The following RIPOR1 variants were observed in gnomAD, a reference collection of about 807,000 sequenced individuals.
RIPOR1 encodes the protein RHO family interacting cell polarization regulator 1.
In RIPOR1, 58 loss-of-function variants were observed where a neutral mutation model predicts 116.5. That is an observed-to-expected ratio of 0.50 (90% CI 0.40 to 0.62). The LOEUF (loss-of-function observed/expected upper bound fraction) is 0.62, where lower values mean the gene tolerates loss of function less well. Among genes scored for constraint, RIPOR1 ranks in the 20% least tolerant of loss-of-function variants. RIPOR1 has a pLI of 0.00. For missense variants in RIPOR1, 1,372 were observed against 1,586.2 expected, an observed-to-expected ratio of 0.86 and a Z score of 2.29; for synonymous variants, 605 against 650.0, an observed-to-expected ratio of 0.93 and a Z score of 1.05.
rs900619617 is a variant in RIPOR1 at position 67,529,395 on chromosome 16, G to C, written c.-24+481G>C. On this transcript the variant is annotated intron_variant, in intron 1 of 21. Transcript: ENST00000042381. The surrounding 1 kb of genome is among the most constrained non-coding windows in gnomAD (Gnocchi z 4.1). ...GGCCGGCCTAAGCGGCTTTGTGGCCGGCCCCGAGGTGACCGAGCCTGGGCT... is the reference window on the plus strand; with the variant it reads ...GGCCGGCCTAAGCGGCTTTGTGGCCCGCCCCGAGGTGACCGAGCCTGGGCT... 1.1e-5 allele frequency: 2 copies of C among 187,076 alleles called. No individual in the cohort carries two copies. The highest frequency in any genetic ancestry group is 1.2e-4 in the Admixed American group (2 of 16,888). 11.6% of individuals were successfully genotyped at this position (187,076 alleles called of 1,614,324 possible).
chr16:67,546,495 TC>T lies in RIPOR1; in HGVS notation c.*38del, dbSNP rs780732827. ...CACCCATGGGTTCCTGGTGCCCCTT[TC>T]CCCCCACTTTCAGGGCTCACCAGGC... On this transcript the variant is annotated 3_prime_UTR_variant, in exon 22 of 22. Coordinates refer to ENST00000042381, the MANE Select transcript of RIPOR1 (RefSeq NM_024519.4). 32 of 1,578,936 alleles carry T rather than the reference TC, an allele frequency of 2.0e-5. No individual in the cohort carries two copies. Among genetic ancestry groups the T allele is most frequent in the Non-Finnish European group, 2.6e-5 (30 of 1,150,230 alleles).
At chr16:67,535,001 C>T (rs564563773) in intron 1 of RIPOR1, among the ~76,000 whole-genome samples, 18 of 151,894 alleles carry the variant, frequency 1.2e-4, no homozygotes, top group Non-Finnish European at 1.8e-4. Flanking sequence ...CACGACCAAG[C>T]CCAGCTAATT....
At chr16:67,539,528 G>A in intron 4 of RIPOR1, 200 bp from the exon 5 acceptor site, 1 of 675,808 alleles carries the variant, frequency 1.5e-6, no homozygotes. Context: ...GAGGGGTCCT[G>A]GAGGGGGCTG....
rs755888562 is a variant in RIPOR1 at position 67,545,717 on chromosome 16, C to G, written c.3244C>G (p.Leu1082Val). 21 of 1,596,892 alleles carry G rather than the reference C, an allele frequency of 1.3e-5. No individual in the cohort carries two copies. Among genetic ancestry groups the G allele is most frequent in the Non-Finnish European group, 1.7e-5 (20 of 1,172,310 alleles). Residue 1082 changes from leucine (L) to valine (V), a missense_variant, in exon 19 of 22, where the codon CTG becomes GTG. By Grantham distance (32) the Leu-to-Val change is conservative. Transcript: ENST00000042381. The surrounding 1 kb of genome is among the most constrained non-coding windows in gnomAD (Gnocchi z 4.8). Reference protein sequence around the residue: ...SDDQAVVLKALRLAPEGRLRR... With the variant: ...SDDQAVVLKAVRLAPEGRLRR... Reference sequence around the variant, plus strand: ...TGATCAGGCTGTTGTGCTGAAGGCCCTGAGATTGGCGCCCGAGGGGCGTCT... The same window carrying G: ...TGATCAGGCTGTTGTGCTGAAGGCCGTGAGATTGGCGCCCGAGGGGCGTCT...
rs550042454 is a variant in RIPOR1 at position 67,540,242 on chromosome 16, T to A, written c.567+37T>A. On this transcript the variant is annotated intron_variant, in intron 7 of 21. Transcript: ENST00000042381. The surrounding 1 kb of genome is among the most constrained non-coding windows in gnomAD (Gnocchi z 4.7). Reference sequence around the variant, plus strand: ...GGGCCCATGAGGCAGAGGCACAGGGTGTGGCAGGGCTAGTGGCTGGCCCTT... The same window carrying A: ...GGGCCCATGAGGCAGAGGCACAGGGAGTGGCAGGGCTAGTGGCTGGCCCTT... The A allele has an allele frequency of 4.8e-5, 78 of 1,613,486 alleles. No homozygotes were observed. The Middle Eastern group carries it at 2.6e-3, about 55-fold the overall frequency.
intron 1 of RIPOR1, among the ~76,000 whole-genome samples, chr16:67,518,811 G>A (rs1053134473): frequency 7.9e-5 from 12 of 152,192 alleles, no homozygotes; most frequent in South Asian, 6.2e-4. Flanking sequence ...AGCAGGTGGC[G>A]CTCTTGGAAG....
rs2050626946 is a variant in RIPOR1 at position 67,530,361 on chromosome 16, G to T, written c.-24+1447G>T. Among the ~76,000 whole-genome samples the T allele has an allele frequency of 6.6e-6, 1 of 152,170 alleles. No homozygotes were observed. The highest frequency in any genetic ancestry group is 1.5e-5 in the Non-Finnish European group (1 of 67,998). On this transcript the variant is annotated intron_variant, in intron 1 of 21. Coordinates refer to ENST00000042381, the MANE Select transcript of RIPOR1 (RefSeq NM_024519.4). This position sits in a 1 kb window ranked among gnomAD's most constrained non-coding sequence, Gnocchi z 4.5. ...GCCTCCGCCCGGTTCCGGGGTGGGG[G>T]GTCCGGGGCTGTGCCGCTCCCCCTC...
intron 1 of RIPOR1, among the ~76,000 whole-genome samples, chr16:67,534,019 C>G (rs944457832): frequency 1.4e-5 from 2 of 146,868 alleles, no homozygotes; most frequent in African/African-American, 5.1e-5. Context: ...GGGGTTTCAC[C>G]AAGTTGGTCA....
Position 67,541,981 on chromosome 16 carries a change from G to T in RIPOR1, c.1195G>T (p.Ala399Ser). Reference protein sequence around the residue: ...QLSGTARHSPAPRPLVQQPEP... With the variant: ...QLSGTARHSPSPRPLVQQPEP... ...CTCAGGCACTGCCCGCCACTCACCA[G>T]CCCCTAGGCCCCTGGTGCAGCAGCC... is the stretch of plus-strand genomic sequence containing the variant. Residue 399 changes from alanine (A) to serine (S), a missense_variant, in exon 13 of 22, where the codon GCC (alanine) becomes TCC (serine). Coordinates refer to ENST00000042381, the MANE Select transcript of RIPOR1 (RefSeq NM_024519.4). This position sits in a 1 kb window ranked among gnomAD's most constrained non-coding sequence, Gnocchi z 4.6. The T allele has an allele frequency of 6.2e-7, 1 of 1,612,126 alleles. No individual in the cohort carries two copies.
chr16:67,541,397 C>T lies in RIPOR1; in HGVS notation c.802-33C>T. 2 of 1,600,984 alleles carry T rather than the reference C, an allele frequency of 1.2e-6. No individual in the cohort carries two copies. Among genetic ancestry groups the T allele is most frequent in the Non-Finnish European group, 1.7e-6 (2 of 1,172,034 alleles). On this transcript the variant is annotated intron_variant, in intron 10 of 21. Transcript: ENST00000042381. This position sits in a 1 kb window ranked among gnomAD's most constrained non-coding sequence, Gnocchi z 4.6. ...TCCCATGATCTCATAGCCCCTGCAC[C>T]CTTGTGACCCTACCATGCACTCTTG...
In RIPOR1 at chr16:67,542,703, CACT is replaced by C. The variant is rs756368363; in HGVS notation, c.1920_1922del (p.Thr641del). On this transcript the variant is annotated inframe_deletion, in exon 13 of 22. Coordinates refer to ENST00000042381, the MANE Select transcript of RIPOR1 (RefSeq NM_024519.4). The surrounding 1 kb of genome is among the most constrained non-coding windows in gnomAD (Gnocchi z 4.6). ...ACAAAACCAGTATGTCACCTCCCAC[CACT>C]ACAAGTCCTACCCCCAGTGGTATGG... is the stretch of plus-strand genomic sequence containing the variant. 3.1e-6 allele frequency: 5 copies of C among 1,613,276 alleles called. No homozygotes were observed. Among genetic ancestry groups the C allele is most frequent in the Non-Finnish European group, 4.2e-6 (5 of 1,179,818 alleles).
rs1439758063 is a variant in RIPOR1, at chr16:67,529,461, G to A, written c.-24+547G>A. Reference sequence around the variant, plus strand: ...GCCCAAACCTGGCGTAGCCGAAGCCGGAGAGGATCGTCCTTGTCGGGGAAC... The same window carrying A: ...GCCCAAACCTGGCGTAGCCGAAGCCAGAGAGGATCGTCCTTGTCGGGGAAC... On this transcript the variant is annotated intron_variant, in intron 1 of 21. Coordinates refer to ENST00000042381, the MANE Select transcript of RIPOR1 (RefSeq NM_024519.4). The surrounding 1 kb of genome is among the most constrained non-coding windows in gnomAD (Gnocchi z 4.1). The A allele has an allele frequency of 3.2e-6, 1 of 308,068 alleles. No individual in the cohort carries two copies. The highest frequency in any genetic ancestry group is 6.1e-6 in the Non-Finnish European group (1 of 165,190). The allele number at this position is 308,068 out of a possible 1,614,324, so 19.1% of individuals were successfully genotyped here. A position where few individuals can be genotyped will look rare whatever the true frequency, so the allele number is the denominator to read the frequency against.
chr16:67,543,811 A>C lies in RIPOR1; in HGVS notation c.2600+342A>C. ...CTCACCTTGGACCTGCCCTTTAAGG[A>C]GCTCTCTCAGTGTCTCGCCGTGCAC... On this transcript the variant is annotated intron_variant, in intron 14 of 21. Transcript: ENST00000042381. This position sits in a 1 kb window ranked among gnomAD's most constrained non-coding sequence, Gnocchi z 4.7. 1 of 402,952 alleles carries C rather than the reference A, an allele frequency of 2.5e-6. No individual in the cohort carries two copies. Among genetic ancestry groups the C allele is most frequent in the Non-Finnish European group, 4.6e-6 (1 of 216,394 alleles). 25.0% of individuals were successfully genotyped at this position (402,952 alleles called of 1,614,324 possible).
At chr16:67,539,525 C>G (rs2050907756) in intron 4 of RIPOR1, 1 of 665,452 alleles carries the variant, frequency 1.5e-6, no homozygotes, top group Non-Finnish European at 2.7e-6. Flanking sequence ...AAGGAGGGGT[C>G]CTGGAGGGGG....
In RIPOR1 at chr16:67,538,483, C is replaced by T; in HGVS notation, c.37C>T (p.Leu13Phe). The change falls in exon 2 of 22, where the codon CTC (leucine) becomes TTC (phenylalanine). Residue 13 changes from leucine (L) to phenylalanine (F), a missense_variant. This residue lies in a region of RIPOR1 where 165 missense variants were observed against 145.5 expected (regional missense o/e 1.13). Transcript: ENST00000042381. ...SLSVRPQRRLLSARVNRSQSF... is the reference protein window; with the variant it reads ...SLSVRPQRRLFSARVNRSQSF... ...GTCGGTGCGGCCGCAGCGCCGTCTG[C>T]TCAGCGCCCGGGTCAATAGGAGCCA... The T allele has an allele frequency of 6.2e-7, 1 of 1,611,284 alleles. No individual in the cohort carries two copies.
At position 67,528,901 on chromosome 16, in the gene RIPOR1, C is replaced by A; in HGVS notation, c.-37C>A. 1 of 195,602 alleles carries A rather than the reference C, an allele frequency of 5.1e-6. No individual in the cohort carries two copies. Among genetic ancestry groups the A allele is most frequent in the South Asian group, 6.0e-5 (1 of 16,624 alleles). The allele number at this position is 195,602 out of a possible 1,614,324, so 12.1% of individuals were successfully genotyped here. On this transcript the variant is annotated 5_prime_UTR_variant, in exon 1 of 22. Coordinates refer to ENST00000042381, the MANE Select transcript of RIPOR1 (RefSeq NM_024519.4). ...CAAGGACAGCGCGAGGTCCGCGCAG[C>A]CCAGCGCAGCCATGTGAGTGTCCCG...
upstream of RIPOR1, among the ~76,000 whole-genome samples, chr16:67,527,741 T>G (rs969500096): frequency 2.0e-5 from 3 of 149,392 alleles, no homozygotes; most frequent in Non-Finnish European, 4.4e-5. Context: ...CCGGGCGTGG[T>G]GTGGGCGCCT....
rs2050587761 is a variant in RIPOR1 at position 67,529,153 on chromosome 16, C to A, written c.-24+239C>A. Among the ~76,000 whole-genome samples, 1 of 152,230 alleles carries A rather than the reference C, an allele frequency of 6.6e-6. No individual in the cohort carries two copies. The highest frequency in any genetic ancestry group is 1.5e-5 in the Non-Finnish European group (1 of 68,030). On this transcript the variant is annotated intron_variant, in intron 1 of 21. Coordinates refer to ENST00000042381, the MANE Select transcript of RIPOR1 (RefSeq NM_024519.4). The surrounding 1 kb of genome is among the most constrained non-coding windows in gnomAD (Gnocchi z 4.1). ...GGCCTGCAGAGCCTGGCGCTGCTGC[C>A]TTCCTCCCACGGCAAGGCCCTGGCG...
intron 1 of RIPOR1, among the ~76,000 whole-genome samples, chr16:67,532,418 GAACACAC>G (rs1274761305): frequency 2.2e-4 from 33 of 151,722 alleles, no homozygotes; most frequent in African/African-American, 7.5e-4. Context: ...AGTGAGCTAT[GAACACAC>G]CACTGCACTG....
Sources: gnomAD v4.1 joint callset for allele counts (sites outside exome capture counted in the v4.1 genomes callset) on GRCh38, gnomAD v4.1.1 for gene constraint, gnomAD v4.1.1 regional missense constraint, Gnocchi (gnomAD v3.1) non-coding constraint, MANE v1.5 for transcripts, NCBI Gene and HGNC (gene_info 2026-07-23, HGNC 2026-07-21) for gene names.